The following GALNT8 variants were observed in gnomAD, a reference collection of about 807,000 sequenced individuals.
The protein encoded by GALNT8 is probable polypeptide N-acetylgalactosaminyltransferase 8.
In GALNT8, 66 loss-of-function variants were observed where a neutral mutation model predicts 62.7. The ratio of observed to expected loss-of-function variants is 1.05; its 90% CI spans 0.86 to 1.29. GALNT8 has a LOEUF of 1.29. GALNT8 is among the 50% of genes most tolerant of loss of function. The pLI is 0.00. For synonymous variants in GALNT8, 288 were observed against 294.3 expected (o/e 0.98, Z 0.22); for missense variants, 771 against 791.8 (o/e 0.97, Z 0.32).
At chr12:4,753,199 A>G (rs1258733087) in intron 6 of GALNT8, among the ~76,000 whole-genome samples, 1 of 152,090 alleles carries the variant, frequency 6.6e-6, no homozygotes, top group Admixed American at 6.5e-5. Flanking sequence ...TTGGACATTG[A>G]TATCTTTCTC....
intron 6 of GALNT8, among the ~76,000 whole-genome samples, chr12:4,752,084 G>A (rs1268797515): frequency 3.3e-5 from 5 of 151,756 alleles, no homozygotes; most frequent in African/African-American, 1.2e-4. Flanking sequence ...GCTTTGTTTT[G>A]GTTTCCATTG....
rs969774113 is a variant in GALNT8, at chr12:4,740,495, C to T, written c.676+1166C>T. Among the ~76,000 whole-genome samples, 16 of 151,006 alleles carry T rather than the reference C, an allele frequency of 1.1e-4. No individual in the cohort carries two copies. The East Asian group carries it at 2.3e-3, about 22-fold the overall frequency. The stretch of plus-strand genomic sequence containing the variant: ...CTGGAGTGCAGTGGTGGGATCTCAG[C>T]GCACTGCAGCCTCCACCTCCCGGGT... On this transcript the variant is annotated intron_variant, in intron 3 of 10. Transcript: ENST00000252318.
intron 1 of GALNT8, among the ~76,000 whole-genome samples, chr12:4,722,141 A>G (rs1033591816): frequency 2.0e-5 from 3 of 152,160 alleles, no homozygotes; most frequent in Non-Finnish European, 2.9e-5. Context: ...GGAGTCTCCT[A>G]TGTCTAGTTC....
chr12:4,771,298 G>A (rs1023120691), intron 10 of GALNT8, among the ~76,000 whole-genome samples: 27 of 152,320 alleles, frequency 1.8e-4, no homozygotes, highest in Non-Finnish European at 2.9e-4. Context: ...AGAGAGAGGA[G>A]TGGTGGCAGT....
At chr12:4,765,001 A>G (rs944394484) in intron 9 of GALNT8, among the ~76,000 whole-genome samples, 3 of 152,150 alleles carry the variant, frequency 2.0e-5, no homozygotes, top group Non-Finnish European at 4.4e-5. Flanking sequence ...CTACTTGTCC[A>G]AGCTCACTGA....
At chr12:4,735,267 C>T (rs1439845525) in intron 2 of GALNT8, among the ~76,000 whole-genome samples, 1 of 152,066 alleles carries the variant, frequency 6.6e-6, no homozygotes, top group Non-Finnish European at 1.5e-5. Flanking sequence ...AGGAAATATG[C>T]AAATGGAAAA....
intron 1 of GALNT8, among the ~76,000 whole-genome samples, chr12:4,725,584 C>T (rs1362967671): frequency 1.6e-5 from 2 of 121,490 alleles, no homozygotes; most frequent in Non-Finnish European, 1.6e-5. Context: ...GAGACGGAGT[C>T]TCGCTCTGTT....
intron 3 of GALNT8, among the ~76,000 whole-genome samples, chr12:4,740,010 A>G (rs568650171): frequency 2.7e-4 from 41 of 152,248 alleles, no homozygotes; most frequent in African/African-American, 9.4e-4. Context: ...TGGGGGCTGA[A>G]GCAGAGTCTA....
chr12:4,756,272 T>C (rs1206394773), intron 6 of GALNT8, among the ~76,000 whole-genome samples: 1 of 152,198 alleles, frequency 6.6e-6, no homozygotes, highest in Non-Finnish European at 1.5e-5. Flanking sequence ...AAGGCCGAAC[T>C]CTTAAAAGAG....
At chr12:4,770,941 GTT>G (rs1173039858) in intron 10 of GALNT8, among the ~76,000 whole-genome samples, 2 of 152,190 alleles carry the variant, frequency 1.3e-5, no homozygotes, top group Admixed American at 1.3e-4. Context: ...TAGGAATAGT[GTT>G]TCTCTAGCAT....
At chr12:4,737,539 TA>T (rs893463149) in intron 2 of GALNT8, among the ~76,000 whole-genome samples, 5 of 152,202 alleles carry the variant, frequency 3.3e-5, no homozygotes, top group African/African-American at 1.2e-4. Flanking sequence ...CTGTTTTTCT[TA>T]ACAAGGTCTG....
chr12:4,763,273 A>G lies in GALNT8; in HGVS notation c.1380A>G (p.Gly460=). 6.2e-7 allele frequency: 1 copy of G among 1,612,222 alleles called. No individual in the cohort carries two copies. The highest frequency in any genetic ancestry group is 2.2e-5 in the East Asian group (1 of 44,858). ...TACAGAACTCTGGAATAGATTTTGG[A>G]GACGTTTCTTCCAGAATGGCACTCC... ...IPLQNSGIDF[G]DVSSRMALRE... is the part of the protein sequence containing the mutation. Residue 460 remains glycine, a synonymous_variant, in exon 8 of 11, where the codon GGA becomes GGG. Transcript: ENST00000252318.
intron 2 of GALNT8, among the ~76,000 whole-genome samples, chr12:4,728,660 T>C (rs1051696021): frequency 6.6e-6 from 1 of 152,150 alleles, no homozygotes; most frequent in Non-Finnish European, 1.5e-5. Flanking sequence ...TTGAAATCAA[T>C]TGGTGATAAA....
chr12:4,754,288 G>A (rs751988270), intron 6 of GALNT8, among the ~76,000 whole-genome samples: 2 of 152,120 alleles, frequency 1.3e-5, no homozygotes, highest in African/African-American at 2.4e-5. Context: ...TTTCGGGGCC[G>A]TGTGTTCCTC....
At chr12:4,744,053 G>A (rs1315444515) in intron 3 of GALNT8, among the ~76,000 whole-genome samples, 1 of 152,176 alleles carries the variant, frequency 6.6e-6, no homozygotes, top group Non-Finnish European at 1.5e-5. Flanking sequence ...TGTCCCAGTT[G>A]GTCCTTAAGT....
At position 4,763,394 on chromosome 12, in the gene GALNT8, T is replaced by C. The variant is rs772984453; in HGVS notation, c.1497+4T>C. 6.2e-7 allele frequency: 1 copy of C among 1,606,878 alleles called. No homozygotes were observed. The highest frequency in any genetic ancestry group is 1.7e-5 in the Admixed American group (1 of 58,956). On this transcript the variant is annotated splice_donor_region_variant and intron_variant, in intron 8 of 10. Transcript: ENST00000252318. ...CACCATCGTGGGCTATGGAAGAGTATGTATTATGAAATTGCACTTTGGATT... is the reference window on the plus strand; with the variant it reads ...CACCATCGTGGGCTATGGAAGAGTACGTATTATGAAATTGCACTTTGGATT...
chr12:4,744,388 T>C (rs1946286246), intron 3 of GALNT8, 129 bp from the exon 4 acceptor site: 1 of 617,422 alleles, frequency 1.6e-6, no homozygotes, highest in Admixed American at 3.1e-5. Context: ...ACTTATTTTC[T>C]AGTTGACTCT....
At chr12:4,764,770 T>C (rs1946391123) in intron 9 of GALNT8, among the ~76,000 whole-genome samples, 1 of 151,110 alleles carries the variant, frequency 6.6e-6, no homozygotes, top group South Asian at 2.1e-4. Context: ...GCCAGGATGG[T>C]CTCGATCTCC....
chr12:4,754,245 G>A (rs183671635), intron 6 of GALNT8, among the ~76,000 whole-genome samples: 3 of 152,138 alleles, frequency 2.0e-5, no homozygotes, highest in Non-Finnish European at 4.4e-5. Flanking sequence ...AGGTGGCAAA[G>A]CCAGGACACA....
Sources: gnomAD v4.1 joint callset for allele counts (sites outside exome capture counted in the v4.1 genomes callset) on GRCh38, gnomAD v4.1.1 for gene constraint, MANE v1.5 for transcripts, NCBI Gene and HGNC (gene_info 2026-07-23, HGNC 2026-07-21) for gene names.